Variants in CNTNAP5 observed in about 807,000 individuals in gnomAD.
The protein encoded by CNTNAP5 is contactin-associated protein-like 5.
CNTNAP5 carries 72 observed loss-of-function variants against 150.2 expected under a neutral mutation model. That is an observed-to-expected ratio of 0.48 (90% confidence interval 0.40 to 0.58). The LOEUF is 0.58. Among genes scored for constraint, CNTNAP5 ranks in the 20% least tolerant of loss-of-function variants. The pLI is 0.00. For missense variants in CNTNAP5, 1,636 were observed against 1,626.2 expected (o/e 1.01, Z -0.10); for synonymous variants, 672 against 619.8 (o/e 1.08, Z -1.25).
Position 124,025,330 on chromosome 2 carries a change from C to T in CNTNAP5, c.-321C>T, listed in dbSNP as rs1040741780. On this transcript the variant is annotated 5_prime_UTR_variant, in exon 1 of 24. Transcript: ENST00000682447. Reference sequence around the variant, plus strand: ...CGACGAGGTGGATTTGGCTGTCCACCGAGCTCCGGCGCCTGTCGTTCTAAT... The same window carrying T: ...CGACGAGGTGGATTTGGCTGTCCACTGAGCTCCGGCGCCTGTCGTTCTAAT... The T allele has an allele frequency of 1.9e-5, 6 of 320,878 alleles. No homozygotes were observed. Among genetic ancestry groups the T allele is most frequent in the East Asian group, 6.4e-5 (1 of 15,666 alleles). 19.9% of individuals were successfully genotyped at this position (320,878 alleles called of 1,614,324 possible). A position where few individuals can be genotyped will look rare whatever the true frequency, so the allele number is the denominator to read the frequency against.
chr2:124,606,777 GACTCGTTA>G (rs1461376070), intron 11 of CNTNAP5, among the ~76,000 whole-genome samples: 1 of 152,114 alleles, frequency 6.6e-6, no homozygotes, highest in African/African-American at 2.4e-5. Context: ...GATCTCTTGA[GACTCGTTA>G]ACTATCATGA....
chr2:124,686,761 A>T (rs776979029), intron 13 of CNTNAP5, among the ~76,000 whole-genome samples: 93 of 152,318 alleles, frequency 6.1e-4, no homozygotes, highest in Non-Finnish European at 4.7e-4. Flanking sequence ...GCAGCAATAG[A>T]TATGTGGAGC....
intron 16 of CNTNAP5, among the ~76,000 whole-genome samples, chr2:124,771,934 A>G (rs926551215): frequency 5.3e-5 from 8 of 151,042 alleles, no homozygotes; most frequent in South Asian, 2.1e-4. Context: ...CACCACCACC[A>G]CTATCACCAC....
At chr2:124,316,078 C>T (rs571501605) in intron 3 of CNTNAP5, among the ~76,000 whole-genome samples, 3 of 152,154 alleles carry the variant, frequency 2.0e-5, no homozygotes, top group East Asian at 1.9e-4. Context: ...AACTACTTAC[C>T]GCCCTTGACC....
At chr2:124,871,644 T>TG (rs1677750292) in intron 21 of CNTNAP5, among the ~76,000 whole-genome samples, 1 of 152,130 alleles carries the variant, frequency 6.6e-6, no homozygotes, top group Non-Finnish European at 1.5e-5. Context: ...CCCCGGTTGC[T>TG]ACCAAGAAGT....
intron 11 of CNTNAP5, among the ~76,000 whole-genome samples, chr2:124,568,939 T>A (rs1558958153): frequency 2.0e-5 from 3 of 152,076 alleles, no homozygotes; most frequent in Non-Finnish European, 2.9e-5. Context: ...TCCCAGCTAA[T>A]CGGGAGGCTG....
At position 124,647,930 on chromosome 2, in the gene CNTNAP5, C is replaced by T; in HGVS notation, c.2049C>T (p.Cys683=). ...GTGAGCAGGAGGTGGCCTACCACTG[C>T]AGGAGGTCCCGCCTGCTCAACACGC... ...EHCEQEVAYH[C]RRSRLLNTPD... is the part of the protein sequence containing the mutation. Residue 683 remains cysteine (C), a synonymous_variant, in exon 13 of 24, where the codon TGC becomes TGT. Transcript: ENST00000682447. The T allele has an allele frequency of 6.2e-7, 1 of 1,605,268 alleles. No homozygotes were observed. The highest frequency in any genetic ancestry group is 1.1e-5 in the South Asian group (1 of 89,494).
chr2:124,793,561 T>G (rs1330780302), intron 18 of CNTNAP5, among the ~76,000 whole-genome samples: 2 of 152,188 alleles, frequency 1.3e-5, no homozygotes, highest in East Asian at 3.8e-4. Flanking sequence ...GTCTCCTATC[T>G]TTTTTATTTA....
chr2:124,682,624 G>A (rs1249299199), intron 13 of CNTNAP5, among the ~76,000 whole-genome samples: 2 of 152,100 alleles, frequency 1.3e-5, no homozygotes, highest in South Asian at 2.1e-4. Context: ...AGTTTCTCTC[G>A]GGTAGACAAT....
intron 1 of CNTNAP5, among the ~76,000 whole-genome samples, chr2:124,046,449 A>AAAAC (rs1553432330): frequency 1.3e-5 from 2 of 151,070 alleles, no homozygotes; most frequent in Non-Finnish European, 3.0e-5. Flanking sequence ...AAAAAAAAAA[A>AAAAC]CAGAGAATAA....
chr2:124,256,451 G>A (rs962139415), intron 3 of CNTNAP5, among the ~76,000 whole-genome samples: 18 of 151,972 alleles, frequency 1.2e-4, no homozygotes, highest in African/African-American at 4.1e-4. Context: ...TAAAACTTTG[G>A]TTGTGAGTCT....
At chr2:124,893,783 C>T (rs1678249105) in intron 21 of CNTNAP5, among the ~76,000 whole-genome samples, 1 of 152,066 alleles carries the variant, frequency 6.6e-6, no homozygotes, top group South Asian at 2.1e-4. Context: ...AGAATAGTTC[C>T]ACTTTTCCAA....
Position 124,865,433 on chromosome 2 carries a change from T to C in CNTNAP5, c.3345T>C (p.Ile1115=), listed in dbSNP as rs1677611750. ...ACCGAGAGGGAAGAGAGCTTACCATTCAGGTACCTTCCTTACTTTCTCCTG... is the reference window on the plus strand; with the variant it reads ...ACCGAGAGGGAAGAGAGCTTACCATCCAGGTACCTTCCTTACTTTCTCCTG... ...KINREGRELT[I]QMDQQLRLSY... Residue 1115 remains isoleucine, a synonymous_variant, in exon 20 of 24, where the codon ATT becomes ATC. Coordinates refer to ENST00000682447, the MANE Select transcript of CNTNAP5 (RefSeq NM_001367498.1). 1.3e-6 allele frequency: 2 copies of C among 1,551,262 alleles called. No homozygotes were observed. The highest frequency in any genetic ancestry group is 2.7e-5 in the African/African-American group (2 of 73,120).
At position 124,654,865 on chromosome 2, in the gene CNTNAP5, CCA is replaced by C. The variant is rs376667177; in HGVS notation, c.2077+6910_2077+6911del. Among the ~76,000 whole-genome samples, 258 of 152,154 alleles carry C rather than the reference CCA, an allele frequency of 1.7e-3. 2 individuals are homozygous for C. The highest frequency in any genetic ancestry group is 5.9e-3 in the African/African-American group (243 of 41,492). The stretch of plus-strand genomic sequence containing the variant: ...CCGTTCTTCCACACCAGAATTAAAA[CCA>C]CAAACTTACATCATGACATCTGGAA... On this transcript the variant is annotated intron_variant, in intron 13 of 23. Coordinates refer to ENST00000682447, the MANE Select transcript of CNTNAP5 (RefSeq NM_001367498.1).
At chr2:124,851,492 G>A (rs1022226758) in intron 19 of CNTNAP5, among the ~76,000 whole-genome samples, 4 of 152,178 alleles carry the variant, frequency 2.6e-5, no homozygotes. Flanking sequence ...TTTACAAGGT[G>A]ATAACGATGA....
intron 3 of CNTNAP5, among the ~76,000 whole-genome samples, chr2:124,273,680 T>C (rs976186814): frequency 6.6e-6 from 1 of 152,276 alleles, no homozygotes. Flanking sequence ...TTCACCTGAA[T>C]GTGATTGGAG....
In CNTNAP5 at chr2:124,399,982, C is replaced by A. The variant is rs562943089; in HGVS notation, c.382-17461C>A. On this transcript the variant is annotated intron_variant, in intron 3 of 23. Transcript: ENST00000682447. Reference sequence around the variant, plus strand: ...CTAATGACATTTCATTGAGAACATTCCTCAAAACTCCTATCCTTTGTTTTC... The same window carrying A: ...CTAATGACATTTCATTGAGAACATTACTCAAAACTCCTATCCTTTGTTTTC... Among the ~76,000 whole-genome samples, 125 of 152,192 alleles carry A rather than the reference C, an allele frequency of 8.2e-4. 1 individual carries two copies. Among genetic ancestry groups the A allele is most frequent in the Non-Finnish European group, 1.2e-3 (83 of 68,014 alleles).
chr2:124,491,680 T>C (rs773950696), intron 7 of CNTNAP5, among the ~76,000 whole-genome samples: 1 of 152,116 alleles, frequency 6.6e-6, no homozygotes, highest in Non-Finnish European at 1.5e-5. Flanking sequence ...TTTTGCATAA[T>C]GCCTGTACCA....
chr2:124,496,345 T>C (rs1378602254), intron 7 of CNTNAP5, among the ~76,000 whole-genome samples: 1 of 152,158 alleles, frequency 6.6e-6, no homozygotes, highest in African/African-American at 2.4e-5. Context: ...ATGGTTGTAC[T>C]CATTTGGAAA....
Sources: gnomAD v4.1 joint callset for allele counts (sites outside exome capture counted in the v4.1 genomes callset) on GRCh38, gnomAD v4.1.1 for gene constraint, MANE v1.5 for transcripts, NCBI Gene and HGNC (gene_info 2026-07-23, HGNC 2026-07-21) for gene names.